Variants in GRM8 observed in about 807,000 individuals in gnomAD.
GRM8 encodes glutamate metabotropic receptor 8.
In GRM8, 47 loss-of-function variants were observed where a neutral mutation model predicts 87.2. The ratio of observed to expected loss-of-function variants is 0.54; its 90% CI spans 0.43 to 0.69. GRM8 has a LOEUF of 0.69. Among genes scored for constraint, GRM8 ranks in the 30% least tolerant of loss-of-function variants. GRM8 has a pLI of 0.00. For missense variants in GRM8, 1,019 were observed against 1,139.2 expected (o/e 0.89, Z 1.52); for synonymous variants, 396 against 404.5 (o/e 0.98, Z 0.25).
intron 6 of GRM8, among the ~76,000 whole-genome samples, chr7:126,856,522 G>A (rs1797697870): frequency 6.6e-6 from 1 of 152,156 alleles, no homozygotes. Flanking sequence ...CCTTGGGGAT[G>A]AGTTCTGTTA....
At chr7:126,636,535 A>T (rs964058684) in intron 7 of GRM8, among the ~76,000 whole-genome samples, 3 of 152,142 alleles carry the variant, frequency 2.0e-5, no homozygotes, top group East Asian at 1.9e-4. Context: ...GCAATTTTTT[A>T]AAAAATATTT....
intron 3 of GRM8, among the ~76,000 whole-genome samples, chr7:127,087,734 A>G (rs981393090): frequency 6.6e-6 from 1 of 152,264 alleles, no homozygotes; most frequent in African/African-American, 2.4e-5. Context: ...AAATTAGTTA[A>G]GAATAGAGCT....
rs181012341 is a variant in GRM8, at chr7:127,004,896, G to A, written c.728-100213C>T. On this transcript the variant is annotated intron_variant, in intron 3 of 10. Coordinates refer to ENST00000339582, the MANE Select transcript of GRM8 (RefSeq NM_000845.3). ...AAAAAATTAAAGAAGGAAAGAAAGG[G>A]ATGAAGAAGAAAAGAAGGAAAGAGA... Among the ~76,000 whole-genome samples, 55 of 151,682 alleles carry A rather than the reference G, an allele frequency of 3.6e-4. 1 individual carries two copies. In the East Asian group the frequency reaches 9.9e-3, roughly 27 times the overall value.
intron 6 of GRM8, among the ~76,000 whole-genome samples, chr7:126,876,343 G>A (rs573749007): frequency 6.6e-5 from 10 of 152,234 alleles, no homozygotes; most frequent in Admixed American, 3.9e-4. Context: ...ACTAAGAATC[G>A]CTCAGGTGCT....
chr7:126,804,477 G>A (rs1052132871), intron 6 of GRM8, among the ~76,000 whole-genome samples: 6 of 152,174 alleles, frequency 3.9e-5, no homozygotes, highest in Non-Finnish European at 8.8e-5. Context: ...TTAACCTATT[G>A]ACCGCAGAAC....
chr7:127,138,356 T>C (rs1828061531), intron 2 of GRM8, among the ~76,000 whole-genome samples: 1 of 152,130 alleles, frequency 6.6e-6, no homozygotes, highest in South Asian at 2.1e-4. Flanking sequence ...TCAGTTAGAA[T>C]CTGCAGAACC....
At chr7:126,900,829 A>T (rs1802005198) in intron 6 of GRM8, among the ~76,000 whole-genome samples, 1 of 151,974 alleles carries the variant, frequency 6.6e-6, no homozygotes, top group South Asian at 2.1e-4. Context: ...CTCTTCTTAG[A>T]CCATGATGGC....
At chr7:127,077,274 A>AT (rs761396029) in intron 3 of GRM8, among the ~76,000 whole-genome samples, 14 of 152,182 alleles carry the variant, frequency 9.2e-5, no homozygotes, top group Non-Finnish European at 1.6e-4. Context: ...AGGAGTTTTC[A>AT]TAAGTAATAT....
intron 7 of GRM8, among the ~76,000 whole-genome samples, chr7:126,767,049 G>C (rs1403422951): frequency 6.6e-6 from 1 of 152,156 alleles, no homozygotes; most frequent in East Asian, 1.9e-4. Context: ...CAGGACTAAG[G>C]AAGTGGACCA....
At position 126,996,301 on chromosome 7, in the gene GRM8, A is replaced by G. The variant is rs553467373; in HGVS notation, c.728-91618T>C. On this transcript the variant is annotated intron_variant, in intron 3 of 10. Coordinates refer to ENST00000339582, the MANE Select transcript of GRM8 (RefSeq NM_000845.3). Reference sequence around the variant, plus strand: ...GTAGAAAGCAGACCGAAAAACACAGAATACTATAACACTGTAATTGTGGTG... The same window carrying G: ...GTAGAAAGCAGACCGAAAAACACAGGATACTATAACACTGTAATTGTGGTG... Among the ~76,000 whole-genome samples the G allele has an allele frequency of 2.6e-5, 4 of 152,218 alleles. No individual in the cohort carries two copies. The East Asian group carries it at 5.8e-4, about 22-fold the overall frequency.
intron 8 of GRM8, among the ~76,000 whole-genome samples, chr7:126,603,278 CA>C (rs1798004496): frequency 1.4e-5 from 2 of 144,810 alleles, no homozygotes; most frequent in East Asian, 4.1e-4. Context: ...CAGCCAATAT[CA>C]TACTGAATGG....
At chr7:126,447,652 A>G (rs1802167060) in intron 9 of GRM8, among the ~76,000 whole-genome samples, 1 of 152,010 alleles carries the variant, frequency 6.6e-6, no homozygotes, top group Non-Finnish European at 1.5e-5. Flanking sequence ...CCTCAAGGGT[A>G]AATAACTGAA....
intron 3 of GRM8, among the ~76,000 whole-genome samples, chr7:127,004,323 A>G (rs1269690328): frequency 6.6e-6 from 1 of 151,680 alleles, no homozygotes; most frequent in African/African-American, 2.4e-5. Flanking sequence ...TTAATAAAAT[A>G]ATAAGATCAA....
At chr7:127,131,994 T>G (rs566085391) in intron 2 of GRM8, among the ~76,000 whole-genome samples, 4 of 152,326 alleles carry the variant, frequency 2.6e-5, no homozygotes, top group African/African-American at 9.6e-5. Flanking sequence ...ATTTAAAACA[T>G]GTCATTTATT....
intron 9 of GRM8, among the ~76,000 whole-genome samples, chr7:126,498,165 A>G (rs2150679125): frequency 6.6e-6 from 1 of 152,078 alleles, no homozygotes; most frequent in African/African-American, 2.4e-5. Flanking sequence ...CAAAAGACAT[A>G]GGAGAGCTGT....
intron 3 of GRM8, among the ~76,000 whole-genome samples, chr7:127,016,266 G>A (rs1815658040): frequency 6.6e-6 from 1 of 151,940 alleles, no homozygotes; most frequent in South Asian, 2.1e-4. Flanking sequence ...TTCCTCCCAC[G>A]GGAGTTAGAC....
chr7:126,680,765 C>T (rs752121099), intron 7 of GRM8, among the ~76,000 whole-genome samples: 42 of 152,264 alleles, frequency 2.8e-4, no homozygotes, highest in Admixed American at 1.2e-3. Context: ...TTGTGGTTTT[C>T]CCAGAAATAT....
chr7:126,828,063 C>A (rs527408175), intron 6 of GRM8, among the ~76,000 whole-genome samples: 19 of 152,232 alleles, frequency 1.2e-4, no homozygotes, highest in African/African-American at 3.6e-4. Flanking sequence ...GGATGAATCC[C>A]ACTTGATCAT....
Position 126,706,695 on chromosome 7 carries a change from A to G in GRM8, c.1357+63170T>C, listed in dbSNP as rs368251279. ...ATAAAATGATCACCACATTAGGTCA[A>G]CTCTCAGAATGCAGAATGTTTTGCC... On this transcript the variant is annotated intron_variant, in intron 7 of 10. Coordinates refer to ENST00000339582, the MANE Select transcript of GRM8 (RefSeq NM_000845.3). Among the ~76,000 whole-genome samples the G allele has an allele frequency of 4.6e-5, 7 of 152,246 alleles. No individual in the cohort carries two copies. In the East Asian group the frequency reaches 7.7e-4, roughly 17 times the overall value.
Sources: gnomAD v4.1 joint callset for allele counts (sites outside exome capture counted in the v4.1 genomes callset) on GRCh38, gnomAD v4.1.1 for gene constraint, MANE v1.5 for transcripts, NCBI Gene and HGNC (gene_info 2026-07-23, HGNC 2026-07-21) for gene names.